The following GABRB1 variants were observed in gnomAD, a reference collection of about 807,000 sequenced individuals.
GABRB1 encodes gamma-aminobutyric acid type A receptor subunit beta1.
A neutral mutation model predicts 51.6 loss-of-function variants in GABRB1; 17 were observed. That is an observed-to-expected ratio of 0.33 (90% confidence interval 0.23 to 0.49). The LOEUF (loss-of-function observed/expected upper bound fraction) is 0.49, where lower values mean the gene tolerates loss of function less well. Ranked by LOEUF, GABRB1 falls within the 20% of genes least tolerant of loss-of-function variation. GABRB1 has a pLI of 0.99. For synonymous variants in GABRB1, 247 were observed against 218.9 expected, an observed-to-expected ratio of 1.13 and a Z score of -1.14; for missense variants, 410 against 600.6, an observed-to-expected ratio of 0.68 and a Z score of 3.32.
intron 3 of GABRB1, among the ~76,000 whole-genome samples, chr4:47,035,804 T>C (rs1316278599): frequency 1.3e-5 from 2 of 152,096 alleles, no homozygotes; most frequent in South Asian, 2.1e-4. Context: ...GTAGGCAAAT[T>C]TTCTCTTCGA....
At chr4:47,186,232 A>C (rs1183250674) in intron 4 of GABRB1, among the ~76,000 whole-genome samples, 1 of 151,472 alleles carries the variant, frequency 6.6e-6, no homozygotes, top group Non-Finnish European at 1.5e-5. Flanking sequence ...GGCGGGGGGT[A>C]AGTCCTGATC....
chr4:47,373,830 A>G (rs1727291839), intron 5 of GABRB1, among the ~76,000 whole-genome samples: 1 of 152,218 alleles, frequency 6.6e-6, no homozygotes, highest in Admixed American at 6.5e-5. Flanking sequence ...AGAAAGATAC[A>G]TATAGAGTGC....
chr4:47,262,257 A>C (rs1447534075), intron 4 of GABRB1, among the ~76,000 whole-genome samples: 1 of 152,214 alleles, frequency 6.6e-6, no homozygotes, highest in African/African-American at 2.4e-5. Context: ...TGAACAGGCA[A>C]CCTATAAAAT....
chr4:47,334,659 T>C (rs1445611281), intron 5 of GABRB1, among the ~76,000 whole-genome samples: 1 of 152,212 alleles, frequency 6.6e-6, no homozygotes, highest in African/African-American at 2.4e-5. Context: ...GTCCAGAAAC[T>C]AGAGATTTTT....
In GABRB1 at chr4:47,177,701, T is replaced by G. The variant is rs1025655727; in HGVS notation, c.461+16232T>G. Among the ~76,000 whole-genome samples, 4 of 152,116 alleles carry G rather than the reference T, an allele frequency of 2.6e-5. 1 individual carries two copies. The South Asian group carries it at 8.3e-4, about 31-fold the overall frequency. On this transcript the variant is annotated intron_variant, in intron 4 of 8. Transcript: ENST00000295454. The stretch of plus-strand genomic sequence containing the variant: ...TTCCATTATTTTTGGTAGAATGACC[T>G]AAAACTGACTCCTCAACTTCTCTGA...
chr4:47,361,332 A>G (rs1441953844), intron 5 of GABRB1, among the ~76,000 whole-genome samples: 1 of 152,148 alleles, frequency 6.6e-6, no homozygotes, highest in Non-Finnish European at 1.5e-5. Flanking sequence ...AAAGGGTAAA[A>G]CATATTCTGG....
chr4:47,158,719 C>T (rs1717808455), intron 3 of GABRB1, among the ~76,000 whole-genome samples: 2 of 152,066 alleles, frequency 1.3e-5, no homozygotes, highest in South Asian at 4.1e-4. Flanking sequence ...ACTTAGAATT[C>T]ATTACAGACA....
At chr4:46,997,258 A>G (rs1724027500) in intron 1 of GABRB1, among the ~76,000 whole-genome samples, 1 of 152,050 alleles carries the variant, frequency 6.6e-6, no homozygotes, top group African/African-American at 2.4e-5. Flanking sequence ...AATGACTTTT[A>G]CAGTCAAATT....
chr4:47,092,737 G>C (rs990633460), intron 3 of GABRB1, among the ~76,000 whole-genome samples: 1 of 150,866 alleles, frequency 6.6e-6, no homozygotes, highest in Non-Finnish European at 1.5e-5. Context: ...TCAGCCTCCC[G>C]AGTGGCTGGG....
intron 4 of GABRB1, among the ~76,000 whole-genome samples, chr4:47,176,778 C>T (rs574374088): frequency 2.0e-5 from 3 of 152,162 alleles, no homozygotes; most frequent in Admixed American, 1.3e-4. Context: ...GGAAGCTTAG[C>T]CTTGGACCAT....
intron 5 of GABRB1, among the ~76,000 whole-genome samples, chr4:47,388,665 A>C: frequency 6.6e-6 from 1 of 152,206 alleles, no homozygotes; most frequent in East Asian, 1.9e-4. Flanking sequence ...CAGATAACCC[A>C]AAAAGTGGTA....
chr4:47,337,654 A>G (rs528130640), intron 5 of GABRB1, among the ~76,000 whole-genome samples: 1 of 152,026 alleles, frequency 6.6e-6, no homozygotes, highest in Non-Finnish European at 1.5e-5. Context: ...TACTAAAAAT[A>G]CAAAAATCAG....
intron 5 of GABRB1, among the ~76,000 whole-genome samples, chr4:47,353,997 G>A (rs1418085948): frequency 6.6e-6 from 1 of 151,872 alleles, no homozygotes; most frequent in Admixed American, 6.6e-5. Context: ...TGATCAATCA[G>A]CATCCACCAG....
At chr4:47,034,747 G>A (rs1237586208) in intron 3 of GABRB1, among the ~76,000 whole-genome samples, 2 of 152,086 alleles carry the variant, frequency 1.3e-5, no homozygotes, top group African/African-American at 4.8e-5. Context: ...GAAATAAAGA[G>A]TAATGTTTTT....
chr4:47,289,563 A>C (rs144736169), intron 4 of GABRB1, among the ~76,000 whole-genome samples: 1 of 152,272 alleles, frequency 6.6e-6, no homozygotes, highest in East Asian at 1.9e-4. Context: ...ATTTGATTTG[A>C]TTTCTGCTCA....
intron 5 of GABRB1, among the ~76,000 whole-genome samples, chr4:47,375,727 A>G (rs1727352684): frequency 6.6e-6 from 1 of 152,206 alleles, no homozygotes; most frequent in African/African-American, 2.4e-5. Flanking sequence ...CAGCCTACTG[A>G]CCAGAATGAG....
chr4:47,052,020 A>T (rs1726370004), intron 3 of GABRB1, among the ~76,000 whole-genome samples: 1 of 152,068 alleles, frequency 6.6e-6, no homozygotes, highest in South Asian at 2.1e-4. Flanking sequence ...TTTCAGCTAC[A>T]CGGGAGGCTG....
chr4:47,262,611 T>C (rs993336629), intron 4 of GABRB1, among the ~76,000 whole-genome samples: 8 of 152,166 alleles, frequency 5.3e-5, no homozygotes, highest in African/African-American at 1.7e-4. Flanking sequence ...GTAAACTAGT[T>C]CAACCCTTGT....
At chr4:47,289,163 A>G (rs531649981) in intron 4 of GABRB1, among the ~76,000 whole-genome samples, 1 of 152,244 alleles carries the variant, frequency 6.6e-6, no homozygotes, top group African/African-American at 2.4e-5. Context: ...TGAAACAGAG[A>G]CCATCAGTCC....
Sources: gnomAD v4.1 joint callset for allele counts (sites outside exome capture counted in the v4.1 genomes callset) on GRCh38, gnomAD v4.1.1 for gene constraint, MANE v1.5 for transcripts, NCBI Gene and HGNC (gene_info 2026-07-23, HGNC 2026-07-21) for gene names.